The following GP1BA variants were observed in gnomAD, a reference collection of about 807,000 sequenced individuals.
GP1BA encodes the protein platelet glycoprotein Ib alpha chain.
GP1BA carries 3 observed loss-of-function variants against 5.6 expected under a neutral mutation model. The ratio of observed to expected loss-of-function variants is 0.53; its 90% confidence interval spans 0.24 to 1.38. The LOEUF (loss-of-function observed/expected upper bound fraction) is 1.38, where lower values mean the gene tolerates loss of function less well. Ranked by LOEUF, GP1BA falls within the 40% of genes most tolerant of loss-of-function variation. The pLI is 0.16. For synonymous variants in GP1BA, 323 were observed against 358.3 expected, an observed-to-expected ratio of 0.90 and a Z score of 1.11; for missense variants, 707 against 801.4, an observed-to-expected ratio of 0.88 and a Z score of 1.42.
In GP1BA at chr17:4,934,457, G is replaced by C. The variant is rs764128079; in HGVS notation, c.1853G>C (p.Arg618Pro). 1 of 1,614,030 alleles carries C rather than the reference G, an allele frequency of 6.2e-7. No homozygotes were observed. ...SLFLWVRPNG[R>P]VGPLVAGRRP... ...TTCCTGTGGGTACGGCCTAATGGCC[G>C]TGTGGGGCCTCTAGTGGCAGGAAGG... The change falls in exon 2 of 2, where the codon CGT (arginine) becomes CCT (proline). Residue 618 changes from arginine to proline, a missense_variant. Physicochemically the swap from Arg to Pro is moderately radical, Grantham distance 103. Coordinates refer to ENST00000329125, the MANE Select transcript of GP1BA (RefSeq NM_000173.7).
rs1597641114 is a variant in GP1BA, at chr17:4,934,832, C to A, written c.*269C>A. ...CAGATCTCACGGTGAACCATTTTGG[C>A]AGAATACAGCATGGTTCCCACATGC... On this transcript the variant is annotated 3_prime_UTR_variant, in exon 2 of 2. Transcript: ENST00000329125. The A allele has an allele frequency of 5.5e-6, 3 of 549,358 alleles. No individual in the cohort carries two copies. In the East Asian group the frequency reaches 9.9e-5, roughly 18 times the overall value. The allele number at this position is 549,358 out of a possible 1,614,324, so 34.0% of individuals were successfully genotyped here. A position where few individuals can be genotyped will look rare whatever the true frequency, so the allele number is the denominator to read the frequency against.
At position 4,934,448 on chromosome 17, in the gene GP1BA, C is replaced by A; in HGVS notation, c.1844C>A (p.Pro615His). The A allele has an allele frequency of 6.2e-7, 1 of 1,614,064 alleles. No individual in the cohort carries two copies. The highest frequency in any genetic ancestry group is 1.3e-5 in the African/African-American group (1 of 75,080). The change falls in exon 2 of 2, where the codon CCT becomes CAT. Residue 615 changes from proline to histidine, a missense_variant. Transcript: ENST00000329125. ...TCCAGCCTCTTCCTGTGGGTACGGC[C>A]TAATGGCCGTGTGGGGCCTCTAGTG... Reference protein sequence around the residue: ...FRSSLFLWVRPNGRVGPLVAG... With the variant: ...FRSSLFLWVRHNGRVGPLVAG...
Position 4,933,319 on chromosome 17 carries a change from A to G in GP1BA, c.715A>G (p.Asn239Asp). The G allele has an allele frequency of 2.5e-6, 4 of 1,613,998 alleles. No individual in the cohort carries two copies. Among genetic ancestry groups the G allele is most frequent in the East Asian group, 2.2e-5 (1 of 44,888 alleles). ...ILYFRRWLQD[N>D]AENVYVWKQG... ...CTATTTTCGTCGCTGGCTGCAGGACAATGCTGAAAATGTCTACGTATGGAA... is the reference window on the plus strand; with the variant it reads ...CTATTTTCGTCGCTGGCTGCAGGACGATGCTGAAAATGTCTACGTATGGAA... The change falls in exon 2 of 2, where the codon AAT becomes GAT. Residue 239 changes from asparagine to aspartate, a missense_variant. Transcript: ENST00000329125.
chr17:4,934,613 T>C lies in GP1BA; in HGVS notation c.*50T>C. On this transcript the variant is annotated 3_prime_UTR_variant, in exon 2 of 2. Transcript: ENST00000329125. ...GAGAAGAGCCTGTGGGCTCTCCTAT[T>C]GGAATCTAGTTGGGGGTTGGAGGGG... is the stretch of plus-strand genomic sequence containing the variant. The C allele has an allele frequency of 6.3e-7, 1 of 1,583,988 alleles. No homozygotes were observed. Among genetic ancestry groups the C allele is most frequent in the Non-Finnish European group, 8.6e-7 (1 of 1,160,490 alleles).
At position 4,933,937 on chromosome 17, in the gene GP1BA, C is replaced by A; in HGVS notation, c.1333C>A (p.Pro445Thr). The part of the protein sequence containing the change: ...TTPEPTSEPA[P>T]SPTTPEPTPI... ...CCCAGAGCCCACCTCAGAGCCCGCC[C>A]CCAGCCCGACCACCCCGGAGCCCAC... Residue 445 changes from proline to threonine, a missense_variant, in exon 2 of 2, where the codon CCC becomes ACC. Coordinates refer to ENST00000329125, the MANE Select transcript of GP1BA (RefSeq NM_000173.7). 1 of 1,294,234 alleles carries A rather than the reference C, an allele frequency of 7.7e-7. No homozygotes were observed. The highest frequency in any genetic ancestry group is 1.8e-5 in the African/African-American group (1 of 56,562). The allele number at this position is 1,294,234 out of a possible 1,614,324, so 80.2% of individuals were successfully genotyped here.
In GP1BA at chr17:4,932,896, C is replaced by G; in HGVS notation, c.292C>G (p.Leu98Val). Residue 98 changes from leucine to valine, a missense_variant, in exon 2 of 2, where the codon CTG becomes GTG. This residue lies in a region of GP1BA where 442 missense variants were observed against 498.8 expected (regional missense o/e 0.89). Transcript: ENST00000329125. The surrounding 1 kb of genome is among the most constrained non-coding windows in gnomAD (Gnocchi z 4.8). The stretch of plus-strand genomic sequence containing the variant: ...TGGGACGCTGCCAGTGCTGGGGACC[C>G]TGGATCTATCCCACAATCAGCTGCA... ...VDGTLPVLGT[L>V]DLSHNQLQSL... is the part of the protein sequence containing the mutation. 6.2e-7 allele frequency: 1 copy of G among 1,614,000 alleles called. No homozygotes were observed. The highest frequency in any genetic ancestry group is 8.5e-7 in the Non-Finnish European group (1 of 1,179,894).
chr17:4,933,814 C>A lies in GP1BA; in HGVS notation c.1210C>A (p.Pro404Thr). 6.2e-7 allele frequency: 1 copy of A among 1,602,602 alleles called. No homozygotes were observed. The highest frequency in any genetic ancestry group is 8.5e-7 in the Non-Finnish European group (1 of 1,173,924). Reference sequence around the variant, plus strand: ...CGCCCCAAACATGACCACCCTGGAGCCCACTCCAAGCCCGACCACCCCAGA... The same window carrying A: ...CGCCCCAAACATGACCACCCTGGAGACCACTCCAAGCCCGACCACCCCAGA... ...EPAPNMTTLE[P>T]TPSPTTPEPT... Residue 404 changes from proline to threonine, a missense_variant, in exon 2 of 2, where the codon CCC (proline) becomes ACC (threonine). Pro to Thr is a conservative substitution (Grantham distance 38). Transcript: ENST00000329125.
chr17:4,933,300 T>G lies in GP1BA; in HGVS notation c.696T>G (p.Phe232Leu), dbSNP rs765443949. The G allele has an allele frequency of 1.2e-6, 2 of 1,614,028 alleles. No individual in the cohort carries two copies. Among genetic ancestry groups the G allele is most frequent in the Non-Finnish European group, 1.7e-6 (2 of 1,179,886 alleles). Residue 232 changes from phenylalanine (F) to leucine (L), a missense_variant, in exon 2 of 2, where the codon TTT (phenylalanine) becomes TTG (leucine). Around this residue, in one of 3 missense-constraint regions of GP1BA, gnomAD observed 442 missense variants for 498.8 expected, o/e 0.89. Transcript: ENST00000329125. ...PWLCNCEILY[F>L]RRWLQDNAEN... ...TATGCAACTGTGAGATCCTCTATTT[T>G]CGTCGCTGGCTGCAGGACAATGCTG...
In GP1BA at chr17:4,933,807, C is replaced by T. The variant is rs2151108224; in HGVS notation, c.1203C>T (p.Thr401=). ...CGGAGCCCGCCCCAAACATGACCAC[C>T]CTGGAGCCCACTCCAAGCCCGACCA... ...PVPEPAPNMT[T]LEPTPSPTTP... The change falls in exon 2 of 2, where the codon ACC becomes ACT. Residue 401 remains threonine (T), a synonymous_variant. Coordinates refer to ENST00000329125, the MANE Select transcript of GP1BA (RefSeq NM_000173.7). 6.2e-7 allele frequency: 1 copy of T among 1,613,062 alleles called. No homozygotes were observed. The highest frequency in any genetic ancestry group is 1.1e-5 in the South Asian group (1 of 90,994).
In GP1BA at chr17:4,933,775, C is replaced by T. The variant is rs147455264; in HGVS notation, c.1171C>T (p.Pro391Ser). The change falls in exon 2 of 2, where the codon CCC becomes TCC. Residue 391 changes from proline (P) to serine (S), a missense_variant. By Grantham distance (74) the Pro-to-Ser change is moderately conservative. Coordinates refer to ENST00000329125, the MANE Select transcript of GP1BA (RefSeq NM_000173.7). ...EPTPSPTTSE[P>S]VPEPAPNMTT... is the part of the protein sequence containing the mutation. ...AACCCCAAGCCCGACCACCTCAGAG[C>T]CCGTCCCGGAGCCCGCCCCAAACAT... 9.8e-4 allele frequency: 1,585 copies of T among 1,613,522 alleles called. 13 individuals carry two copies. The African/African-American group carries it at 0.016, about 16-fold the overall frequency.
chr17:4,933,545 T>A lies in GP1BA; in HGVS notation c.941T>A (p.Phe314Tyr), dbSNP rs1970374563. The A allele has an allele frequency of 6.2e-7, 1 of 1,613,452 alleles. No individual in the cohort carries two copies. Among genetic ancestry groups the A allele is most frequent in the African/African-American group, 1.3e-5 (1 of 74,752 alleles). Reference protein sequence around the residue: ...KVRATRTVVKFPTKAHTTPWG... With the variant: ...KVRATRTVVKYPTKAHTTPWG... ...CGTGCCACAAGGACTGTGGTCAAGT[T>A]CCCCACCAAAGCCCATACAACCCCC... The change falls in exon 2 of 2, where the codon TTC becomes TAC. Residue 314 changes from phenylalanine to tyrosine, a missense_variant. This residue lies in a region of GP1BA where 442 missense variants were observed against 498.8 expected (regional missense o/e 0.89). Coordinates refer to ENST00000329125, the MANE Select transcript of GP1BA (RefSeq NM_000173.7).
chr17:4,933,507 G>A lies in GP1BA; in HGVS notation c.903G>A (p.Glu301=). The change falls in exon 2 of 2, where the codon GAG becomes GAA. Residue 301 remains glutamate, a synonymous_variant. Transcript: ENST00000329125. ...LYDYYPEEDT[E]GDKVRATRTV... ...ATTACTACCCAGAAGAGGACACTGA[G>A]GGCGATAAGGTGCGTGCCACAAGGA... is the stretch of plus-strand genomic sequence containing the variant. 1 of 1,613,900 alleles carries A rather than the reference G, an allele frequency of 6.2e-7. No homozygotes were observed. The highest frequency in any genetic ancestry group is 8.5e-7 in the Non-Finnish European group (1 of 1,179,842).
At position 4,933,277 on chromosome 17, in the gene GP1BA, T is replaced by C. The variant is rs1394634674; in HGVS notation, c.673T>C (p.Cys225Arg). 2 of 1,614,038 alleles carry C rather than the reference T, an allele frequency of 1.2e-6. No individual in the cohort carries two copies. Among genetic ancestry groups the C allele is most frequent in the Non-Finnish European group, 1.7e-6 (2 of 1,179,886 alleles). ...TTTTCTCCACGGGAACCCCTGGTTA[T>C]GCAACTGTGAGATCCTCTATTTTCG... ...FAFLHGNPWL[C>R]NCEILYFRRW... The change falls in exon 2 of 2, where the codon TGC becomes CGC. Residue 225 changes from cysteine (C) to arginine (R), a missense_variant. Coordinates refer to ENST00000329125, the MANE Select transcript of GP1BA (RefSeq NM_000173.7).
rs765918740 is a variant in GP1BA, at chr17:4,933,104, A to T, written c.500A>T (p.Glu167Val). 2 of 1,613,986 alleles carry T rather than the reference A, an allele frequency of 1.2e-6. No homozygotes were observed. The highest frequency in any genetic ancestry group is 1.7e-6 in the Non-Finnish European group (2 of 1,179,830). Residue 167 changes from glutamate (E) to valine (V), a missense_variant, in exon 2 of 2, where the codon GAG becomes GTG. Physicochemically the swap from Glu to Val is moderately radical, Grantham distance 121. Transcript: ENST00000329125. ...PGLLTPTPKL[E>V]KLSLANNNLT... ...CTCCTGACGCCCACACCCAAGCTGG[A>T]GAAGCTCAGTCTGGCTAACAACAAC...
In GP1BA at chr17:4,933,390, G is replaced by C; in HGVS notation, c.786G>C (p.Val262=). ...VKAMTSNVAS[V]QCDNSDKFPV... ...CCATGACCTCTAACGTGGCCAGTGT[G>C]CAGTGTGACAATTCAGACAAGTTTC... Residue 262 remains valine (V), a synonymous_variant, in exon 2 of 2, where the codon GTG becomes GTC. Transcript: ENST00000329125. 1 of 1,613,914 alleles carries C rather than the reference G, an allele frequency of 6.2e-7. No homozygotes were observed. The highest frequency in any genetic ancestry group is 8.5e-7 in the Non-Finnish European group (1 of 1,179,822).
Position 4,932,544 on chromosome 17 carries a change from G to A in GP1BA, c.-6-55G>A. On this transcript the variant is annotated intron_variant, in intron 1 of 1. Coordinates refer to ENST00000329125, the MANE Select transcript of GP1BA (RefSeq NM_000173.7). The surrounding 1 kb of genome is among the most constrained non-coding windows in gnomAD (Gnocchi z 4.8). ...GCAGGGGGAAGGGGGCTGGGGCCTG[G>A]GGGGATGCTTCCAGGGGATGCAGGG... 2 of 1,552,772 alleles carry A rather than the reference G, an allele frequency of 1.3e-6. No homozygotes were observed. The highest frequency in any genetic ancestry group is 1.8e-6 in the Non-Finnish European group (2 of 1,142,352).
In GP1BA at chr17:4,933,602, C is replaced by G. The variant is rs1970375480; in HGVS notation, c.998C>G (p.Ser333Cys). 2 of 1,613,834 alleles carry G rather than the reference C, an allele frequency of 1.2e-6. No homozygotes were observed. The highest frequency in any genetic ancestry group is 8.5e-7 in the Non-Finnish European group (1 of 1,179,882). Reference protein sequence around the residue: ...WGLFYSWSTASLDSQMPSSLH... With the variant: ...WGLFYSWSTACLDSQMPSSLH... ...CTATTCTACTCATGGTCCACTGCTT[C>G]TCTAGACAGCCAAATGCCCTCCTCC... The change falls in exon 2 of 2, where the codon TCT becomes TGT. Residue 333 changes from serine (S) to cysteine (C), a missense_variant. Physicochemically the swap from Ser to Cys is moderately radical, Grantham distance 112 (BLOSUM62 -1). This residue lies in a region of GP1BA where 442 missense variants were observed against 498.8 expected (regional missense o/e 0.89). Transcript: ENST00000329125.
At position 4,933,956 on chromosome 17, in the gene GP1BA, A is replaced by G. The variant is rs1970384710; in HGVS notation, c.1352A>G (p.Glu451Gly). Residue 451 changes from glutamate (E) to glycine (G), a missense_variant, in exon 2 of 2, where the codon GAG becomes GGG. Glu to Gly is a moderately conservative substitution (Grantham distance 98). Coordinates refer to ENST00000329125, the MANE Select transcript of GP1BA (RefSeq NM_000173.7). ...SEPAPSPTTP[E>G]PTPIPTIATS... ...CCCGCCCCCAGCCCGACCACCCCGG[A>G]GCCCACCCCAATCCCGACCATCGCC... The G allele has an allele frequency of 3.2e-6, 5 of 1,541,952 alleles. No homozygotes were observed. The highest frequency in any genetic ancestry group is 4.4e-6 in the Non-Finnish European group (5 of 1,144,862).
At position 4,933,856 on chromosome 17, in the gene GP1BA, GC is replaced by G; in HGVS notation, c.1257del (p.Ser420AlafsTer52). ...PTTPEPTSEP[A>X]PSPTTPEPTS... ...CACCCCAGAGCCCACCTCAGAGCCC[GC>G]CCCCAGCCCGACCACCCCGGAGCCC... On this transcript the variant is annotated frameshift_variant, in exon 2 of 2. Transcript: ENST00000329125. LOFTEE classifies it low-confidence loss of function (END_TRUNC). 2 of 1,190,250 alleles carry G rather than the reference GC, an allele frequency of 1.7e-6. No homozygotes were observed. Among genetic ancestry groups the G allele is most frequent in the Non-Finnish European group, 2.1e-6 (2 of 938,948 alleles). The allele number at this position is 1,190,250 out of a possible 1,614,324, so 73.7% of individuals were successfully genotyped here. A position where few individuals can be genotyped will look rare whatever the true frequency, so the allele number is the denominator to read the frequency against.
Sources: gnomAD v4.1 joint callset for allele counts on GRCh38, gnomAD v4.1.1 for gene constraint, gnomAD v4.1.1 regional missense constraint, Gnocchi (gnomAD v3.1) non-coding constraint, MANE v1.5 for transcripts, NCBI Gene and HGNC (gene_info 2026-07-23, HGNC 2026-07-21) for gene names.